PLS1: variants seen among roughly 807,000 people sequenced by gnomAD.
PLS1 encodes the protein plastin-1.
A neutral mutation model predicts 73.7 loss-of-function variants in PLS1; 32 were observed. The ratio of observed to expected loss-of-function variants is 0.43; its 90% CI spans 0.33 to 0.58. The LOEUF (loss-of-function observed/expected upper bound fraction) is 0.58. Ranked by LOEUF, PLS1 falls within the 20% of genes least tolerant of loss-of-function variation. The pLI, the probability that PLS1 is intolerant of heterozygous loss-of-function variation, is 0.04. For synonymous variants in PLS1, 217 were observed against 261.3 expected, an observed-to-expected ratio of 0.83 and a Z score of 1.63; for missense variants, 633 against 740.5, an observed-to-expected ratio of 0.85 and a Z score of 1.68.
chr3:142,680,527 T>G (rs1286879198), intron 6 of PLS1, among the ~76,000 whole-genome samples: 1 of 152,222 alleles, frequency 6.6e-6, no homozygotes, highest in African/African-American at 2.4e-5. Context: ...GCCAGTGCTC[T>G]TATTAGGTGG....
chr3:142,706,844 A>G (rs2038472246), intron 14 of PLS1, among the ~76,000 whole-genome samples: 1 of 152,172 alleles, frequency 6.6e-6, no homozygotes, highest in South Asian at 2.1e-4. Context: ...GGTAACCGGA[A>G]AACAGATAAC....
At chr3:142,690,925 G>A (rs973543431) in intron 10 of PLS1, among the ~76,000 whole-genome samples, 20 of 152,060 alleles carry the variant, frequency 1.3e-4, no homozygotes, top group African/African-American at 4.8e-4. Context: ...GTTGTCAGAG[G>A]AAGGCGCCAA....
intron 12 of PLS1, among the ~76,000 whole-genome samples, chr3:142,702,598 T>C (rs2038353198): frequency 6.6e-6 from 1 of 152,166 alleles, no homozygotes; most frequent in Non-Finnish European, 1.5e-5. Context: ...ACTGGTGATA[T>C]AAGATTATGA....
At chr3:142,661,118 G>A (rs970139585) in intron 1 of PLS1, among the ~76,000 whole-genome samples, 4 of 152,120 alleles carry the variant, frequency 2.6e-5, no homozygotes, top group South Asian at 4.2e-4. Flanking sequence ...CACACCACAA[G>A]TAGCATTTTG....
intron 11 of PLS1, among the ~76,000 whole-genome samples, chr3:142,696,342 C>T (rs1322756210): frequency 1.3e-5 from 2 of 152,114 alleles, no homozygotes; most frequent in African/African-American, 4.8e-5. Flanking sequence ...CAGCATAGGG[C>T]TTCTGAGCAT....
chr3:142,609,908 G>A (rs1266628752), intron 1 of PLS1, among the ~76,000 whole-genome samples: 3 of 152,170 alleles, frequency 2.0e-5, no homozygotes, highest in Non-Finnish European at 4.4e-5. Context: ...TTGCTCTTTC[G>A]CGCAGGCTGG....
chr3:142,627,661 C>T (rs1327766034), intron 1 of PLS1, among the ~76,000 whole-genome samples: 10 of 152,098 alleles, frequency 6.6e-5, no homozygotes, highest in African/African-American at 9.7e-5. Context: ...GACAGTGTCT[C>T]GCTCTGTCAC....
intron 6 of PLS1, among the ~76,000 whole-genome samples, chr3:142,679,209 C>G (rs909488000): frequency 2.6e-5 from 4 of 151,728 alleles, no homozygotes; most frequent in African/African-American, 9.7e-5. Flanking sequence ...AAAATTTTCT[C>G]CCATTTTGTA....
At chr3:142,653,524 C>CAA (rs1368728163) in intron 1 of PLS1, among the ~76,000 whole-genome samples, 3 of 151,930 alleles carry the variant, frequency 2.0e-5, no homozygotes, top group African/African-American at 7.3e-5. Flanking sequence ...CCACGGCCGG[C>CAA]TAATTTTTGT....
At chr3:142,617,340 T>A (rs1338837902) in intron 1 of PLS1, among the ~76,000 whole-genome samples, 2 of 152,110 alleles carry the variant, frequency 1.3e-5, no homozygotes, top group Non-Finnish European at 2.9e-5. Flanking sequence ...GAATAAAAAA[T>A]GCTAAAGAAT....
intron 1 of PLS1, among the ~76,000 whole-genome samples, chr3:142,599,368 C>T (rs1285414168): frequency 1.5e-5 from 2 of 135,084 alleles, no homozygotes; most frequent in Non-Finnish European, 3.1e-5. Flanking sequence ...CTCGCTCTGT[C>T]GCCCAGGCTG....
At chr3:142,629,260 G>A (rs376209808) in intron 1 of PLS1, among the ~76,000 whole-genome samples, 5 of 151,208 alleles carry the variant, frequency 3.3e-5, no homozygotes, top group East Asian at 1.9e-4. Flanking sequence ...GCAATGGCGC[G>A]ATCTTGGCTT....
chr3:142,607,270 T>C (rs893818544), intron 1 of PLS1, among the ~76,000 whole-genome samples: 1 of 148,334 alleles, frequency 6.7e-6, no homozygotes, highest in Admixed American at 6.6e-5. Flanking sequence ...ACTGTTACCC[T>C]ATTATTAACA....
intron 1 of PLS1, among the ~76,000 whole-genome samples, chr3:142,663,273 T>C (rs76268928): frequency 0.044 from 6,753 of 152,212 alleles, 501 homozygotes; most frequent in African/African-American, 0.15. Context: ...TTATATTTGT[T>C]GATATTTCTG....
intron 12 of PLS1, among the ~76,000 whole-genome samples, chr3:142,699,009 C>T (rs1229195739): frequency 1.3e-5 from 2 of 152,056 alleles, no homozygotes; most frequent in Admixed American, 6.6e-5. Flanking sequence ...GAACAGAAAA[C>T]CAAACACTGC....
intron 1 of PLS1, among the ~76,000 whole-genome samples, chr3:142,622,142 T>G (rs1437650340): frequency 1.4e-5 from 2 of 143,858 alleles, no homozygotes; most frequent in Non-Finnish European, 3.1e-5. Flanking sequence ...TGGTATTTCT[T>G]CTGCCAGTGG....
chr3:142,600,045 G>C (rs1463991718), intron 1 of PLS1, among the ~76,000 whole-genome samples: 1 of 152,208 alleles, frequency 6.6e-6, no homozygotes, highest in Non-Finnish European at 1.5e-5. Flanking sequence ...ACCATGCTCA[G>C]CCTCCCAAGA....
chr3:142,622,727 G>T (rs1340492656), intron 1 of PLS1, among the ~76,000 whole-genome samples: 3 of 152,252 alleles, frequency 2.0e-5, no homozygotes, highest in African/African-American at 4.8e-5. Context: ...ACTATAACCC[G>T]TGGGGCATCT....
At chr3:142,640,278 G>T (rs1358983221) in intron 1 of PLS1, among the ~76,000 whole-genome samples, 1 of 152,188 alleles carries the variant, frequency 6.6e-6, no homozygotes, top group Non-Finnish European at 1.5e-5. Context: ...TCTTTTGGTA[G>T]GGTTTTAGTG....
Sources: gnomAD v4.1 joint callset for allele counts (sites outside exome capture counted in the v4.1 genomes callset) on GRCh38, gnomAD v4.1.1 for gene constraint, MANE v1.5 for transcripts, NCBI Gene and HGNC (gene_info 2026-07-23, HGNC 2026-07-21) for gene names.